STOX2: variants seen among roughly 807,000 people sequenced by gnomAD.
STOX2 encodes storkhead-box protein 2.
STOX2 carries 28 observed loss-of-function variants against 60.9 expected under a neutral mutation model. That is an observed-to-expected ratio of 0.46 (90% CI 0.34 to 0.63). The LOEUF is 0.63. STOX2 is among the 30% of genes least tolerant of loss of function. STOX2 has a pLI of 0.01. For missense variants in STOX2, 1,024 were observed against 1,187.7 expected, an observed-to-expected ratio of 0.86 and a Z score of 2.03; for synonymous variants, 472 against 463.9, an observed-to-expected ratio of 1.02 and a Z score of -0.22.
At chr4:183,897,273 A>G (rs1010754578) in intron 1 of STOX2, among the ~76,000 whole-genome samples, 21 of 152,242 alleles carry the variant, frequency 1.4e-4, no homozygotes, top group African/African-American at 4.6e-4. Flanking sequence ...TTATTTGTCT[A>G]TTTGGGTTTC....
rs1004400454 is a variant in STOX2 at position 183,906,618 on chromosome 4, G to A, written c.-173G>A. ...GGAGCCTTCGCCGTGGGGGTGTGGG[G>A]GGGCGTGGGGAGGGCCGGACCCGCC... On this transcript the variant is annotated 5_prime_UTR_variant, in exon 1 of 4. Transcript: ENST00000308497. 6 of 629,258 alleles carry A rather than the reference G, an allele frequency of 9.5e-6. No individual in the cohort carries two copies. Among genetic ancestry groups the A allele is most frequent in the African/African-American group, 5.7e-5 (3 of 52,832 alleles). 39.0% of individuals were successfully genotyped at this position (629,258 alleles called of 1,614,324 possible).
intron 1 of STOX2, among the ~76,000 whole-genome samples, chr4:183,992,146 C>T (rs11735366): frequency 1.2e-4 from 18 of 152,106 alleles, no homozygotes; most frequent in African/African-American, 3.9e-4. Flanking sequence ...GGGGTAGAAG[C>T]GTGTTCGGTT....
intron 1 of STOX2, among the ~76,000 whole-genome samples, chr4:183,849,635 A>G (rs927820658): frequency 6.6e-6 from 1 of 152,232 alleles, no homozygotes; most frequent in Non-Finnish European, 1.5e-5. Context: ...GAGAGATGTC[A>G]GTAATTGATT....
intron 1 of STOX2, among the ~76,000 whole-genome samples, chr4:183,928,637 C>T (rs1273811188): frequency 2.6e-5 from 4 of 152,034 alleles, no homozygotes; most frequent in South Asian, 2.1e-4. Context: ...CCCAGTGAGC[C>T]GGCCGAGCCT....
intron 1 of STOX2, among the ~76,000 whole-genome samples, chr4:183,869,237 C>A (rs1740637560): frequency 6.6e-6 from 1 of 152,070 alleles, no homozygotes; most frequent in Non-Finnish European, 1.5e-5. Context: ...AGAAAATGGA[C>A]AATAAAGAAA....
intron 1 of STOX2, among the ~76,000 whole-genome samples, chr4:183,954,883 C>T (rs1410447912): frequency 1.3e-5 from 2 of 152,066 alleles, no homozygotes; most frequent in East Asian, 1.9e-4. Flanking sequence ...GGATTACAGG[C>T]GTGCACCACC....
chr4:183,995,717 G>T (rs1733310892), intron 1 of STOX2, among the ~76,000 whole-genome samples: 1 of 152,158 alleles, frequency 6.6e-6, no homozygotes, highest in Non-Finnish European at 1.5e-5. Flanking sequence ...TGAAAACAGG[G>T]GCAGTGCCTC....
chr4:183,881,877 C>G (rs1740968151), intron 1 of STOX2, among the ~76,000 whole-genome samples: 1 of 152,192 alleles, frequency 6.6e-6, no homozygotes, highest in Non-Finnish European at 1.5e-5. Context: ...ATCGAGACAT[C>G]TTTGGGTATT....
rs561023306 is a variant in STOX2 at position 183,957,616 on chromosome 4, C to T, written c.167-43709C>T. Reference sequence around the variant, plus strand: ...TGCAGGCATGGTATTCTATGCTGAACTGGTTCCCGATTTGACCACAGAAAT... The same window carrying T: ...TGCAGGCATGGTATTCTATGCTGAATTGGTTCCCGATTTGACCACAGAAAT... On this transcript the variant is annotated intron_variant, in intron 1 of 3. Coordinates refer to ENST00000308497, the MANE Select transcript of STOX2 (RefSeq NM_020225.3). 2.6e-4 allele frequency among the ~76,000 whole-genome samples: 40 copies of T among 152,306 alleles called. 1 individual carries two copies. The South Asian group carries it at 3.5e-3, about 13-fold the overall frequency.
intron 1 of STOX2, among the ~76,000 whole-genome samples, chr4:183,882,188 C>T (rs547404002): frequency 1.7e-4 from 26 of 152,256 alleles, no homozygotes; most frequent in African/African-American, 5.8e-4. Context: ...ACAATGACTC[C>T]CAAAATGGAA....
intron 3 of STOX2, among the ~76,000 whole-genome samples, chr4:184,012,729 C>T (rs972931424): frequency 5.3e-5 from 8 of 152,182 alleles, no homozygotes; most frequent in African/African-American, 1.9e-4. Flanking sequence ...CAGTCCCTCT[C>T]CCCATCCCTC....
At chr4:184,008,240 G>C (rs1005757322) in intron 2 of STOX2, among the ~76,000 whole-genome samples, 1 of 152,226 alleles carries the variant, frequency 6.6e-6, no homozygotes, top group Non-Finnish European at 1.5e-5. Flanking sequence ...AAGTAAATGG[G>C]CTGGAGCCTG....
chr4:183,847,337 C>G lies in STOX2; in HGVS notation c.364+49282C>G, dbSNP rs955481608. Among the ~76,000 whole-genome samples the G allele has an allele frequency of 2.6e-5, 4 of 152,116 alleles. No homozygotes were observed. In the East Asian group the frequency reaches 7.7e-4, roughly 29 times the overall value. Reference sequence around the variant, plus strand: ...AAAGTATGTAACTCCCTAGCCTTTCCTTTTAGGTTTTTTTGCTATCTGTTG... The same window carrying G: ...AAAGTATGTAACTCCCTAGCCTTTCGTTTTAGGTTTTTTTGCTATCTGTTG... On this transcript the variant is annotated intron_variant, in intron 1 of 2. Coordinates refer to the STOX2 transcript ENST00000513034.
intron 1 of STOX2, among the ~76,000 whole-genome samples, chr4:183,955,445 C>G (rs1229826375): frequency 6.6e-6 from 1 of 152,162 alleles, no homozygotes; most frequent in Non-Finnish European, 1.5e-5. Context: ...GAATTTTTTT[C>G]CCCAAGTACT....
chr4:183,883,513 T>C (rs1441788222), intron 1 of STOX2, among the ~76,000 whole-genome samples: 1 of 152,078 alleles, frequency 6.6e-6, no homozygotes, highest in Non-Finnish European at 1.5e-5. Flanking sequence ...AGGGATGGTT[T>C]CACCGTGTTA....
chr4:183,959,520 CAT>C (rs570538937), intron 1 of STOX2, among the ~76,000 whole-genome samples: 24 of 152,300 alleles, frequency 1.6e-4, no homozygotes, highest in Admixed American at 1.2e-3. Context: ...AAATCTAAAA[CAT>C]GTGTCAGGTT....
chr4:183,835,537 T>TTTAA (rs749866501), intron 1 of STOX2, among the ~76,000 whole-genome samples: 4 of 152,134 alleles, frequency 2.6e-5, no homozygotes, highest in African/African-American at 7.2e-5. Context: ...CCAATAGATT[T>TTTAA]TTAATTAATT....
chr4:183,968,505 C>T (rs1743645967), intron 1 of STOX2, among the ~76,000 whole-genome samples: 1 of 152,136 alleles, frequency 6.6e-6, no homozygotes, highest in Non-Finnish European at 1.5e-5. Flanking sequence ...CACACAAGCA[C>T]AAACACAGAC....
intron 1 of STOX2, among the ~76,000 whole-genome samples, chr4:183,891,148 T>C (rs565050083): frequency 2.0e-5 from 3 of 151,912 alleles, no homozygotes; most frequent in South Asian, 4.2e-4. Flanking sequence ...GCACAACTTT[T>C]TGAGCTGTCT....
Sources: gnomAD v4.1 joint callset for allele counts (sites outside exome capture counted in the v4.1 genomes callset) on GRCh38, gnomAD v4.1.1 for gene constraint, MANE v1.5 for transcripts, NCBI Gene and HGNC (gene_info 2026-07-23, HGNC 2026-07-21) for gene names.